The following IDH1 variants were observed in gnomAD, a reference collection of about 807,000 sequenced individuals.
IDH1 encodes isocitrate dehydrogenase (NADP(+)) 1.
Under a neutral mutation model 46.1 loss-of-function variants are expected in IDH1, and 33 were observed. The ratio of observed to expected loss-of-function variants is 0.72; its 90% CI spans 0.54 to 0.96. IDH1 has a LOEUF of 0.96. IDH1 is among the 40% of genes least tolerant of loss of function. The probability of loss-of-function intolerance (pLI) is 0.00; values close to 1 mark genes in which losing one functional copy is unlikely to be tolerated. For synonymous variants in IDH1, 144 were observed against 172.8 expected (o/e 0.83, Z 1.31); for missense variants, 421 against 515.7 (o/e 0.82, Z 1.78).
chr2:208,254,085 G>A (rs1361238667), intron 1 of IDH1, 126 bp from the exon 2 acceptor site: 1 of 152,286 alleles, frequency 6.6e-6, no homozygotes, highest in Non-Finnish European at 1.5e-5. Context: ...TGTACTCGGT[G>A]GGACAAAGGC....
intron 2 of IDH1, 124 bp from the exon 3 acceptor site, chr2:208,251,691 T>TACACA: frequency 1.4e-6 from 1 of 721,392 alleles, no homozygotes; most frequent in Non-Finnish European, 2.3e-6. Flanking sequence ...GCAATTCAAT[T>TACACA]TATGTGTAGT....
intron 6 of IDH1, 130 bp downstream of exon 6, chr2:208,243,297 T>C (rs903685749): frequency 4.9e-5 from 37 of 756,286 alleles, no homozygotes; most frequent in Non-Finnish European, 8.7e-6. Context: ...GTTTTGCCCT[T>C]ATCTTTAAGA....
In IDH1 at chr2:208,251,571, A is replaced by G; in HGVS notation, c.-16-4T>C. On this transcript the variant is annotated splice_region_variant and splice_polypyrimidine_tract_variant and intron_variant, in intron 2 of 9. Coordinates refer to ENST00000345146, the MANE Select transcript of IDH1 (RefSeq NM_005896.4). ...GGACATTTTGACTTCAATAAACCTA[A>G]AAAGAAAAAAAAAATACATGCCTTG... The G allele has an allele frequency of 6.2e-7, 1 of 1,608,364 alleles. No homozygotes were observed. The highest frequency in any genetic ancestry group is 8.5e-7 in the Non-Finnish European group (1 of 1,176,662).
At chr2:208,240,283 A>G (rs1190491457) in intron 7 of IDH1, 1 of 454,326 alleles carries the variant, frequency 2.2e-6, no homozygotes, top group East Asian at 4.4e-5. Context: ...ATTCCACTCT[A>G]GTTCTATGAC....
In IDH1 at chr2:208,251,139, A is replaced by C. The variant is rs112738668; in HGVS notation, c.122+291T>G. On this transcript the variant is annotated intron_variant, in intron 3 of 9. Transcript: ENST00000345146. ...TTCATCTGAATATATTTAGGCTTAA[A>C]ACAAACTTTATTCACAAAACACAGC... The C allele has an allele frequency of 1.7e-5, 4 of 234,582 alleles. 1 individual carries two copies. Among genetic ancestry groups the C allele is most frequent in the African/African-American group, 2.2e-5 (1 of 44,448 alleles). The allele number at this position is 234,582 out of a possible 1,614,324, so 14.5% of individuals were successfully genotyped here. A position where few individuals can be genotyped will look rare whatever the true frequency, so the allele number is the denominator to read the frequency against.
intron 4 of IDH1, 121 bp from the exon 5 acceptor site, chr2:208,245,545 T>TG (rs1261494041): frequency 3.9e-6 from 2 of 514,810 alleles, no homozygotes; most frequent in African/African-American, 5.4e-5. Flanking sequence ...ATGTCAAACT[T>TG]CTTTTTTTTT....
At chr2:208,251,217 C>CTT in intron 3 of IDH1, 29 of 387,786 alleles carry the variant, frequency 7.5e-5, no homozygotes, top group Non-Finnish European at 1.1e-4. Context: ...AGATTATATT[C>CTT]TTTTTTTTTT....
chr2:208,239,551 A>G (rs1415401182), intron 8 of IDH1, among the ~76,000 whole-genome samples: 4 of 152,192 alleles, frequency 2.6e-5, no homozygotes, highest in African/African-American at 9.7e-5. Flanking sequence ...TTGAAGTGCT[A>G]TCTTTGAAAC....
intron 7 of IDH1, 138 bp from the exon 8 acceptor site, chr2:208,240,141 A>G (rs1687892296): frequency 2.2e-6 from 2 of 893,872 alleles, no homozygotes; most frequent in Non-Finnish European, 1.8e-6. Flanking sequence ...ATCACCAATA[A>G]TTCTGCCTTT....
chr2:208,238,452 G>A (rs542820535), intron 9 of IDH1, among the ~76,000 whole-genome samples: 2 of 152,270 alleles, frequency 1.3e-5, no homozygotes, highest in South Asian at 2.1e-4. Context: ...TTGAGATATG[G>A]AGACAATCCC....
rs1216415575 is a variant in IDH1 at position 208,255,034 on chromosome 2, C to T, written c.-186G>A. 1 of 152,372 alleles carries T rather than the reference C, an allele frequency of 6.6e-6. No homozygotes were observed. The highest frequency in any genetic ancestry group is 2.4e-5 in the African/African-American group (1 of 41,442). 9.4% of individuals were successfully genotyped at this position (152,372 alleles called of 1,614,324 possible). ...GCCTGGCAATCCCAAACCGGACTCCCAGTGCCTCCGCTTCTGAAGTAGACT... is the reference window on the plus strand; with the variant it reads ...GCCTGGCAATCCCAAACCGGACTCCTAGTGCCTCCGCTTCTGAAGTAGACT... On this transcript the variant is annotated 5_prime_UTR_variant, in exon 1 of 10. Coordinates refer to ENST00000345146, the MANE Select transcript of IDH1 (RefSeq NM_005896.4).
At position 208,236,630 on chromosome 2, in the gene IDH1, C is replaced by G. The variant is rs1051324031; in HGVS notation, c.*449G>C. 1 of 260,742 alleles carries G rather than the reference C, an allele frequency of 3.8e-6. No individual in the cohort carries two copies. Among genetic ancestry groups the G allele is most frequent in the Admixed American group, 4.8e-5 (1 of 20,688 alleles). 16.2% of individuals were successfully genotyped at this position (260,742 alleles called of 1,614,324 possible). On this transcript the variant is annotated 3_prime_UTR_variant, in exon 10 of 10. Coordinates refer to ENST00000345146, the MANE Select transcript of IDH1 (RefSeq NM_005896.4). ...GTGCAAGTTTAATGCACAGCTCTAC[C>G]TCACAAAACGGGATATCTATGACAC...
Position 208,239,227 on chromosome 2 carries a change from A to C in IDH1, c.998T>G (p.Ile333Ser), listed in dbSNP as rs1175270965. Residue 333 changes from isoleucine (I) to serine (S), a missense_variant, in exon 9 of 10, where the codon ATT becomes AGT. Ile to Ser is a moderately radical substitution (Grantham distance 142). Coordinates refer to ENST00000345146, the MANE Select transcript of IDH1 (RefSeq NM_005896.4). Reference sequence around the variant, plus strand: ...GGCTAACCCTCTGGTCCAGGCAAAAATGGAAGCTAAAAGAGGGGAAAAAAA... The same window carrying C: ...GGCTAACCCTCTGGTCCAGGCAAAACTGGAAGCTAAAAGAGGGGAAAAAAA... Reference protein sequence around the residue: ...QETSTNPIASIFAWTRGLAHR... With the variant: ...QETSTNPIASSFAWTRGLAHR... 1.2e-6 allele frequency: 2 copies of C among 1,614,036 alleles called. No homozygotes were observed. Among genetic ancestry groups the C allele is most frequent in the Non-Finnish European group, 8.5e-7 (1 of 1,179,978 alleles).
At chr2:208,249,645 C>T (rs1213923616) in intron 3 of IDH1, among the ~76,000 whole-genome samples, 1 of 152,184 alleles carries the variant, frequency 6.6e-6, no homozygotes, top group Non-Finnish European at 1.5e-5. Flanking sequence ...GGTTTTTCAG[C>T]TCTTAAAACC....
chr2:208,252,817 G>A (rs748283826), intron 2 of IDH1, among the ~76,000 whole-genome samples: 5 of 152,154 alleles, frequency 3.3e-5, no homozygotes, highest in African/African-American at 7.2e-5. Context: ...TCCCAAATTC[G>A]CAATTCTAGA....
chr2:208,254,247 G>C (rs1052951709), intron 1 of IDH1: 2 of 152,478 alleles, frequency 1.3e-5, no homozygotes, highest in African/African-American at 4.8e-5. Context: ...CCTTATGGCC[G>C]TTGTGCAAGA....
intron 2 of IDH1, among the ~76,000 whole-genome samples, chr2:208,252,639 A>C (rs1171322617): frequency 6.6e-6 from 1 of 152,232 alleles, no homozygotes; most frequent in African/African-American, 2.4e-5. Flanking sequence ...AAAAGTCAAG[A>C]GAATTGACTT....
At chr2:208,241,819 G>A (rs1396511565) in intron 7 of IDH1, among the ~76,000 whole-genome samples, 175 bp downstream of exon 7, 1 of 152,188 alleles carries the variant, frequency 6.6e-6, no homozygotes, top group Non-Finnish European at 1.5e-5. Flanking sequence ...ATGTGGTCTT[G>A]AGTAAATCAT....
chr2:208,243,718 T>G, intron 5 of IDH1, 114 bp from the exon 6 acceptor site: 5 of 835,102 alleles, frequency 6.0e-6, no homozygotes, highest in Non-Finnish European at 9.9e-6. Context: ...AGCTCTCACA[T>G]CTGAGACTAG....
Sources: allele counts gnomAD v4.1 joint callset (sites outside exome capture counted in the v4.1 genomes callset), GRCh38; gene constraint gnomAD v4.1.1; transcripts MANE v1.5; gene names NCBI Gene and HGNC (gene_info 2026-07-23, HGNC 2026-07-21).